The following METTL15 variants were observed in gnomAD, a reference collection of about 807,000 sequenced individuals.
The protein encoded by METTL15 is 12S rRNA N(4)-cytidine methyltransferase METTL15.
A neutral mutation model predicts 38.3 loss-of-function variants in METTL15; 34 were observed. That is an observed-to-expected ratio of 0.89 (90% CI 0.68 to 1.18). The LOEUF (loss-of-function observed/expected upper bound fraction) is 1.18. METTL15 is among the 50% of genes most tolerant of loss of function. The pLI, the probability that METTL15 is intolerant of heterozygous loss-of-function variation, is 0.00. For synonymous variants in METTL15, 162 were observed against 170.9 expected, an observed-to-expected ratio of 0.95 and a Z score of 0.41; for missense variants, 438 against 498.4, an observed-to-expected ratio of 0.88 and a Z score of 1.15.
chr11:28,381,765 T>G (rs1850388661), intron 5 of METTL15, among the ~76,000 whole-genome samples: 1 of 152,184 alleles, frequency 6.6e-6, no homozygotes, highest in Admixed American at 6.5e-5. Flanking sequence ...GAATTGCTTT[T>G]CTGTGTTATC....
At chr11:28,170,186 G>A (rs1333895996) in intron 3 of METTL15, among the ~76,000 whole-genome samples, 2 of 152,086 alleles carry the variant, frequency 1.3e-5, no homozygotes, top group Non-Finnish European at 2.9e-5. Flanking sequence ...ACCAAGTCAC[G>A]GAGCTGTGAT....
At chr11:28,114,090 G>A (rs1851839450) in intron 3 of METTL15, among the ~76,000 whole-genome samples, 1 of 152,136 alleles carries the variant, frequency 6.6e-6, no homozygotes, top group African/African-American at 2.4e-5. Context: ...GAATGTGTTT[G>A]TCATCCCAGT....
At position 28,278,010 on chromosome 11, in the gene METTL15, A is replaced by T. The variant is rs1032901110; in HGVS notation, c.408-12196A>T. Among the ~76,000 whole-genome samples the T allele has an allele frequency of 4.6e-5, 7 of 152,154 alleles. No homozygotes were observed. In the East Asian group the frequency reaches 5.8e-4, roughly 13 times the overall value. ...GAATAAAATGATTATAGTTTTAAAA[A>T]ATGTACTCTGGTGCTGGACACCCTA... is the stretch of plus-strand genomic sequence containing the variant. On this transcript the variant is annotated intron_variant, in intron 4 of 6. Transcript: ENST00000407364.
chr11:28,373,250 G>A (rs1284976255), intron 5 of METTL15, among the ~76,000 whole-genome samples: 1 of 151,998 alleles, frequency 6.6e-6, no homozygotes, highest in African/African-American at 2.4e-5. Flanking sequence ...GTGTAAAAGT[G>A]TTCCTATTTC....
chr11:28,162,883 C>T (rs1425841149), intron 3 of METTL15, among the ~76,000 whole-genome samples: 1 of 151,982 alleles, frequency 6.6e-6, no homozygotes, highest in Admixed American at 6.6e-5. Context: ...AACTTTCACA[C>T]CATAGTAAAG....
chr11:28,362,515 G>A (rs1850148535), intron 5 of METTL15, among the ~76,000 whole-genome samples: 1 of 152,134 alleles, frequency 6.6e-6, no homozygotes, highest in African/African-American at 2.4e-5. Context: ...GGACCCCAGT[G>A]TCTATTGTTC....
intron 3 of METTL15, among the ~76,000 whole-genome samples, chr11:28,146,793 AC>A (rs1373195410): frequency 1.5e-4 from 23 of 151,978 alleles, no homozygotes; most frequent in Non-Finnish European, 2.5e-4. Context: ...TTAATAAAAA[AC>A]AAATTAAGTG....
At chr11:28,480,418 T>C (rs1851385530) in intron 6 of METTL15, among the ~76,000 whole-genome samples, 1 of 152,206 alleles carries the variant, frequency 6.6e-6, no homozygotes, top group Admixed American at 6.5e-5. Flanking sequence ...ATGTATTTAT[T>C]GAAGAGTATT....
At position 28,290,395 on chromosome 11, in the gene METTL15, C is replaced by T. The variant is rs868198644; in HGVS notation, c.597C>T (p.Gly199=). 2.5e-6 allele frequency: 4 copies of T among 1,607,618 alleles called. No homozygotes were observed. In the Middle Eastern group the frequency reaches 6.7e-4, roughly 267 times the overall value. Residue 199 remains glycine (G), a splice_region_variant and synonymous_variant, in exon 5 of 7, where the codon GGC becomes GGT. Coordinates refer to ENST00000407364, the MANE Select transcript of METTL15 (RefSeq NM_001113528.2). ...CTTTGGACATGAGAATGGATGGTGG[C>T]AGGTGAGTATTCATAAAGCATTTCA... The part of the protein sequence containing the change: ...DGPLDMRMDG[G]RYPDMPTAAD...
intron 5 of METTL15, among the ~76,000 whole-genome samples, chr11:28,392,348 A>T (rs1376171342): frequency 2.0e-5 from 3 of 152,162 alleles, no homozygotes; most frequent in Non-Finnish European, 4.4e-5. Context: ...TTATAAGGCT[A>T]AAGTAATTAA....
chr11:28,325,732 CA>C (rs1849614803), intron 6 of METTL15, among the ~76,000 whole-genome samples: 2 of 152,122 alleles, frequency 1.3e-5, no homozygotes, highest in African/African-American at 4.8e-5. Flanking sequence ...GCATTTTTGT[CA>C]AAAGCACCAC....
At chr11:28,398,522 G>T (rs911082633) in intron 5 of METTL15, among the ~76,000 whole-genome samples, 2 of 151,792 alleles carry the variant, frequency 1.3e-5, no homozygotes, top group Non-Finnish European at 3.0e-5. Flanking sequence ...TTTTGATGGG[G>T]TTGTTTTTTC....
intron 4 of METTL15, among the ~76,000 whole-genome samples, chr11:28,230,291 T>C (rs1232721415): frequency 6.6e-6 from 1 of 151,974 alleles, no homozygotes; most frequent in African/African-American, 2.4e-5. Flanking sequence ...AGTACTATTA[T>C]ATATTTATTC....
chr11:28,496,151 G>GA (rs1851533905), intron 6 of METTL15, among the ~76,000 whole-genome samples: 1 of 152,222 alleles, frequency 6.6e-6, no homozygotes, highest in Non-Finnish European at 1.5e-5. Context: ...ATTTACAAAA[G>GA]AAAAAGGTTT....
chr11:28,138,290 T>C (rs1849581375), intron 3 of METTL15, among the ~76,000 whole-genome samples: 1 of 152,150 alleles, frequency 6.6e-6, no homozygotes, highest in South Asian at 2.1e-4. Flanking sequence ...AAAAACAAGA[T>C]CCATGAAGTG....
chr11:28,353,133 T>C (rs1279271212), intron 4 of METTL15, among the ~76,000 whole-genome samples: 1 of 152,126 alleles, frequency 6.6e-6, no homozygotes, highest in Admixed American at 6.5e-5. Flanking sequence ...AAAAGATTAC[T>C]GCAGCTCTTC....
chr11:28,118,027 G>C (rs1852051461), intron 3 of METTL15, among the ~76,000 whole-genome samples: 1 of 151,674 alleles, frequency 6.6e-6, no homozygotes, highest in Admixed American at 6.6e-5. Context: ...TTTTGAGACG[G>C]AGTTTCGCTC....
At chr11:28,259,164 A>T (rs1855093894) in intron 4 of METTL15, among the ~76,000 whole-genome samples, 1 of 152,008 alleles carries the variant, frequency 6.6e-6, no homozygotes, top group African/African-American at 2.4e-5. Flanking sequence ...CCGTGTCTAG[A>T]AATGTCATCC....
intron 6 of METTL15, among the ~76,000 whole-genome samples, chr11:28,491,877 T>C (rs1337640162): frequency 6.6e-6 from 1 of 152,136 alleles, no homozygotes; most frequent in African/African-American, 2.4e-5. Context: ...TATTTTAATG[T>C]TTTAAACTCC....
Sources: allele counts gnomAD v4.1 joint callset (sites outside exome capture counted in the v4.1 genomes callset), GRCh38; gene constraint gnomAD v4.1.1; transcripts MANE v1.5; gene names NCBI Gene and HGNC (gene_info 2026-07-23, HGNC 2026-07-21).